The following PMS1 variants were observed in gnomAD, a reference collection of about 807,000 sequenced individuals.
The protein encoded by PMS1 is PMS1 homolog 1, mismatch repair system component.
A neutral mutation model predicts 93.1 loss-of-function variants in PMS1; 79 were observed. The observed-to-expected ratio is 0.85, with a 90% confidence interval of 0.71 to 1.02. The LOEUF (loss-of-function observed/expected upper bound fraction) is 1.02. Among genes scored for constraint, PMS1 ranks in the 50% least tolerant of loss-of-function variants. PMS1 has a pLI of 0.00. For missense variants in PMS1, 1,064 were observed against 1,085.3 expected (o/e 0.98, Z 0.28); for synonymous variants, 335 against 363.4 (o/e 0.92, Z 0.89).
chr2:189,863,602 G>A (rs1172307343), intron 9 of PMS1, 141 bp from the exon 10 acceptor site: 2 of 659,932 alleles, frequency 3.0e-6, no homozygotes, highest in Non-Finnish European at 2.6e-6. Context: ...ATAGTTATAT[G>A]CAGGAGAGTT....
chr2:189,864,657 G>GGAAAA (rs2056396067), intron 10 of PMS1, among the ~76,000 whole-genome samples: 1 of 3,664 alleles, frequency 2.7e-4, no homozygotes, highest in South Asian at 0.021. Flanking sequence ...GTCTGTCTCA[G>GGAAAA]AAAAAAAAAA....
At chr2:189,875,738 A>G (rs912436784) in intron 12 of PMS1, among the ~76,000 whole-genome samples, 3 of 152,040 alleles carry the variant, frequency 2.0e-5, no homozygotes, top group African/African-American at 7.2e-5. Flanking sequence ...GAATCACCTG[A>G]GATCAGGAGT....
chr2:189,806,698 A>T (rs765635857), intron 4 of PMS1: 1 of 201,436 alleles, frequency 5.0e-6, no homozygotes, highest in Non-Finnish European at 1.0e-5. Context: ...TGTTCAGCTG[A>T]TAAGTGTTTA....
intron 5 of PMS1, among the ~76,000 whole-genome samples, chr2:189,842,440 A>C (rs2053890733): frequency 6.6e-6 from 1 of 152,092 alleles, no homozygotes; most frequent in African/African-American, 2.4e-5. Flanking sequence ...TTCTCAAGGG[A>C]TTTGACTGTA....
chr2:189,819,240 A>C (rs2051603869), intron 5 of PMS1, among the ~76,000 whole-genome samples: 1 of 152,224 alleles, frequency 6.6e-6, no homozygotes, highest in African/African-American at 2.4e-5. Context: ...ATGGTTGAAT[A>C]GTATTCCACT....
chr2:189,788,853 C>G (rs1309685067), intron 1 of PMS1, among the ~76,000 whole-genome samples: 2 of 152,116 alleles, frequency 1.3e-5, no homozygotes, highest in African/African-American at 4.8e-5. Flanking sequence ...CTGATGGCTA[C>G]CATATTGGAC....
At chr2:189,796,603 T>C (rs1270610929) in intron 3 of PMS1, among the ~76,000 whole-genome samples, 1 of 152,206 alleles carries the variant, frequency 6.6e-6, no homozygotes, top group Non-Finnish European at 1.5e-5. Context: ...AGGTATCACA[T>C]ATAAGTGGAC....
intron 7 of PMS1, 67 bp from the exon 8 acceptor site, chr2:189,853,872 T>A: frequency 1.0e-6 from 1 of 993,138 alleles, no homozygotes; most frequent in Non-Finnish European, 1.5e-6. Flanking sequence ...CAGTTGAATT[T>A]GCTGGGTTTT....
intron 4 of PMS1, among the ~76,000 whole-genome samples, chr2:189,816,500 T>C (rs2051313960): frequency 6.6e-6 from 1 of 152,200 alleles, no homozygotes; most frequent in African/African-American, 2.4e-5. Flanking sequence ...TCCAGTAGAA[T>C]GTACTTTCTT....
intron 2 of PMS1, among the ~76,000 whole-genome samples, chr2:189,794,394 C>T (rs147390520): frequency 6.6e-6 from 1 of 152,320 alleles, no homozygotes; most frequent in Non-Finnish European, 1.5e-5. Context: ...CAATTACTTG[C>T]ATGAGCCACT....
chr2:189,858,208 C>T (rs138445753), intron 9 of PMS1, among the ~76,000 whole-genome samples: 72 of 152,062 alleles, frequency 4.7e-4, no homozygotes, highest in African/African-American at 1.7e-3. Flanking sequence ...TTTCCTTCCT[C>T]GCCTTTCTTC....
At position 189,877,413 on chromosome 2, in the gene PMS1, A is replaced by G. The variant is rs138906915; in HGVS notation, c.2776A>G (p.Thr926Ala). The G allele has an allele frequency of 8.7e-6, 14 of 1,612,158 alleles. No homozygotes were observed. Among genetic ancestry groups the G allele is most frequent in the Non-Finnish European group, 1.2e-5 (14 of 1,178,402 alleles). Residue 926 changes from threonine to alanine, a missense_variant, in exon 13 of 13, where the codon ACC becomes GCC. Transcript: ENST00000441310. Reference sequence around the variant, plus strand: ...TGGTCGCCCATTTTTTCATCATTTAACCTATCTTCCAGAAACTACATGATT... The same window carrying G: ...TGGTCGCCCATTTTTTCATCATTTAGCCTATCTTCCAGAAACTACATGATT... Reference protein sequence around the residue: ...VHGRPFFHHLTYLPETT With the variant: ...VHGRPFFHHLAYLPETT
chr2:189,798,359 T>C (rs574129415), intron 3 of PMS1, among the ~76,000 whole-genome samples: 1 of 152,340 alleles, frequency 6.6e-6, no homozygotes, highest in South Asian at 2.1e-4. Context: ...GAGATTTTGC[T>C]GTTGGAGCAT....
At chr2:189,798,757 A>ATT (rs757864750) in intron 3 of PMS1, among the ~76,000 whole-genome samples, 4,726 of 79,794 alleles carry the variant, frequency 0.059, 97 homozygotes, top group South Asian at 0.081. Flanking sequence ...TAAGTATTTG[A>ATT]TTTTTTTTTT....
chr2:189,856,918 G>A (rs1463791900), intron 9 of PMS1, among the ~76,000 whole-genome samples: 6 of 151,936 alleles, frequency 3.9e-5, no homozygotes, highest in African/African-American at 1.2e-4. Flanking sequence ...ATCAATTACC[G>A]GAATATTCCA....
intron 12 of PMS1, among the ~76,000 whole-genome samples, chr2:189,876,522 C>G (rs1033267887): frequency 1.3e-5 from 2 of 152,170 alleles, no homozygotes; most frequent in Non-Finnish European, 2.9e-5. Context: ...AACTATGATG[C>G]ACCCACACTG....
rs567192785 is a variant in PMS1, at chr2:189,854,463, T to G, written c.1191T>G (p.Asp397Glu). Residue 397 changes from aspartate to glutamate, a missense_variant, in exon 9 of 13, where the codon GAT (aspartate) becomes GAG (glutamate). Physicochemically the swap from Asp to Glu is conservative, Grantham distance 45. Transcript: ENST00000441310. Reference protein sequence around the residue: ...VIPFQNDMHNDESGKNTDDCL... With the variant: ...VIPFQNDMHNEESGKNTDDCL... ...CATTCCAAAATGATATGCATAATGA[T>G]GAATCTGGAAAAAACACTGATGATT... 28 of 1,613,282 alleles carry G rather than the reference T, an allele frequency of 1.7e-5. No individual in the cohort carries two copies. Among genetic ancestry groups the G allele is most frequent in the East Asian group, 1.3e-4 (6 of 44,812 alleles).
At chr2:189,792,208 A>G (rs1017621460) in intron 2 of PMS1, among the ~76,000 whole-genome samples, 2 of 152,180 alleles carry the variant, frequency 1.3e-5, no homozygotes, top group African/African-American at 4.8e-5. Context: ...TTCTACAAAT[A>G]TTGGTTATTC....
intron 5 of PMS1, among the ~76,000 whole-genome samples, chr2:189,819,433 T>G (rs990943856): frequency 6.6e-6 from 1 of 152,226 alleles, no homozygotes; most frequent in Non-Finnish European, 1.5e-5. Context: ...TAGCTCTATT[T>G]TTAGTTTTTT....
Sources: gnomAD v4.1 joint callset for allele counts (sites outside exome capture counted in the v4.1 genomes callset) on GRCh38, gnomAD v4.1.1 for gene constraint, MANE v1.5 for transcripts, NCBI Gene and HGNC (gene_info 2026-07-23, HGNC 2026-07-21) for gene names.